The following NTRK3 variants were observed in gnomAD, a reference collection of about 807,000 sequenced individuals.
NTRK3 encodes NT-3 growth factor receptor.
Under a neutral mutation model 91.7 loss-of-function variants are expected in NTRK3, and 24 were observed. That is an observed-to-expected ratio of 0.26 (90% CI 0.19 to 0.37). The LOEUF is 0.37. Ranked by LOEUF, NTRK3 falls within the 10% of genes least tolerant of loss-of-function variation. The probability of loss-of-function intolerance (pLI) is 1.00; values close to 1 mark genes in which losing one functional copy is unlikely to be tolerated. For synonymous variants in NTRK3, 483 were observed against 404.0 expected (o/e 1.20, Z -2.34); for missense variants, 880 against 1,068.9 (o/e 0.82, Z 2.46).
intron 14 of NTRK3, among the ~76,000 whole-genome samples, chr15:87,959,738 C>T (rs1220452459): frequency 6.6e-6 from 1 of 152,192 alleles, no homozygotes; most frequent in Non-Finnish European, 1.5e-5. Flanking sequence ...TTGACACCAA[C>T]ACAAAAGGGC....
chr15:87,961,383 A>G (rs1298697514), intron 14 of NTRK3, among the ~76,000 whole-genome samples: 1 of 152,258 alleles, frequency 6.6e-6, no homozygotes, highest in East Asian at 1.9e-4. Context: ...AACTCAAGCT[A>G]GCTATGTGGG....
rs367829446 is a variant in NTRK3 at position 87,884,349 on chromosome 15, A to T, written c.2134-3921T>A. Reference sequence around the variant, plus strand: ...CCATAATTGTAAAAAAAATCTATACATTAAAAAACTAGAAGGTTCAGATAG... The same window carrying T: ...CCATAATTGTAAAAAAAATCTATACTTTAAAAAACTAGAAGGTTCAGATAG... On this transcript the variant is annotated intron_variant, in intron 17 of 18. Coordinates refer to ENST00000394480, the Ensembl canonical transcript of NTRK3. Among the ~76,000 whole-genome samples the T allele has an allele frequency of 2.0e-5, 3 of 151,784 alleles. No homozygotes were observed. The East Asian group carries it at 5.8e-4, about 29-fold the overall frequency.
intron 14 of NTRK3, chr15:87,979,419 A>G: frequency 6.2e-7 from 1 of 1,613,910 alleles, no homozygotes; most frequent in Non-Finnish European, 8.5e-7. Context: ...AGAGGCTTGG[A>G]ATGTCCGGGA....
At chr15:87,939,664 A>G (rs1166023293) in intron 15 of NTRK3, among the ~76,000 whole-genome samples, 2 of 152,186 alleles carry the variant, frequency 1.3e-5, no homozygotes, top group Non-Finnish European at 2.9e-5. Flanking sequence ...ACGGGGAGCC[A>G]TATCTCTGGC....
intron 13 of NTRK3, among the ~76,000 whole-genome samples, chr15:88,059,049 A>AACACACACACAC (rs56706510): frequency 4.1e-5 from 6 of 144,718 alleles, no homozygotes; most frequent in African/African-American, 1.3e-4. Flanking sequence ...CTCACACACA[A>AACACACACACAC]ACACACACAC....
intron 14 of NTRK3, among the ~76,000 whole-genome samples, chr15:87,992,404 C>T (rs951662220): frequency 2.1e-4 from 32 of 152,282 alleles, no homozygotes; most frequent in Non-Finnish European, 4.3e-4. Flanking sequence ...ATCCTTTCAC[C>T]CCCAGCTCAG....
chr15:88,202,667 A>T (rs1054349467), intron 3 of NTRK3, among the ~76,000 whole-genome samples: 1 of 152,192 alleles, frequency 6.6e-6, no homozygotes, highest in African/African-American at 2.4e-5. Context: ...TTTCCATTCA[A>T]GCCCATCTCC....
intron 16 of NTRK3, among the ~76,000 whole-genome samples, chr15:87,930,305 TTTCTCTAGAAAGCCCAGTGAGCCG>T (rs1421126702): frequency 6.6e-6 from 1 of 152,194 alleles, no homozygotes; most frequent in African/African-American, 2.4e-5. Flanking sequence ...CATTCACTCT[TTTCTCTAGAAAGCCCAGTGAGCCG>T]TAACCACACC....
At chr15:88,147,218 T>C (rs555836246) in intron 6 of NTRK3, 117 bp downstream of exon 6, 22 of 938,658 alleles carry the variant, frequency 2.3e-5, no homozygotes, top group South Asian at 1.7e-4. Context: ...CCAACCCAAG[T>C]AGGCTCTTCG....
intron 17 of NTRK3, among the ~76,000 whole-genome samples, chr15:87,913,660 A>G (rs2067249678): frequency 6.6e-6 from 1 of 152,240 alleles, no homozygotes. Context: ...GCAAGCAACA[A>G]AAGGACTCAT....
intron 13 of NTRK3, among the ~76,000 whole-genome samples, chr15:88,101,882 G>A (rs2050213069): frequency 6.6e-6 from 1 of 152,048 alleles, no homozygotes; most frequent in South Asian, 2.1e-4. Context: ...GGGGGGAGTG[G>A]GGAAGGATAG....
chr15:87,936,458 C>T (rs1446717051), intron 15 of NTRK3, among the ~76,000 whole-genome samples: 1 of 151,698 alleles, frequency 6.6e-6, no homozygotes, highest in African/African-American at 2.4e-5. Flanking sequence ...GGCAAGAACA[C>T]AACTTCTCGA....
chr15:87,886,737 A>AACAC (rs368496451), intron 17 of NTRK3, among the ~76,000 whole-genome samples: 1 of 131,758 alleles, frequency 7.6e-6, no homozygotes. Context: ...CACACACATA[A>AACAC]ACACACACAC....
At chr15:88,189,713 G>T (rs1029005190) in intron 3 of NTRK3, among the ~76,000 whole-genome samples, 3 of 152,076 alleles carry the variant, frequency 2.0e-5, no homozygotes, top group African/African-American at 7.2e-5. Context: ...CAAAGTGCTG[G>T]GATTACAGGC....
rs542181333 is a variant in NTRK3, at chr15:88,023,125, A to T, written c.1585+9732T>A. ...GCTTGGATTGTACCAACATTTAGGG[A>T]ACTCAGACATCAGCACCCAGCAGAG... On this transcript the variant is annotated intron_variant, in intron 14 of 18. Transcript: ENST00000394480. Among the ~76,000 whole-genome samples the T allele has an allele frequency of 4.6e-5, 7 of 152,282 alleles. No individual in the cohort carries two copies. The South Asian group carries it at 1.4e-3, about 32-fold the overall frequency.
intron 14 of NTRK3, among the ~76,000 whole-genome samples, chr15:87,987,683 T>C (rs1007368157): frequency 6.7e-6 from 1 of 150,092 alleles, no homozygotes; most frequent in African/African-American, 2.5e-5. Context: ...TACTCATAGA[T>C]TTTTTTTTAA....
At position 87,957,348 on chromosome 15, in the gene NTRK3, G is replaced by A. The variant is rs565647736; in HGVS notation, c.1586-16595C>T. On this transcript the variant is annotated intron_variant, in intron 14 of 18. Coordinates refer to ENST00000394480, the Ensembl canonical transcript of NTRK3. Reference sequence around the variant, plus strand: ...GAAGTACATTATTATGACGCCTACAGTCCCACAGCGGGAGCATCTACACAC... The same window carrying A: ...GAAGTACATTATTATGACGCCTACAATCCCACAGCGGGAGCATCTACACAC... 6.0e-5 allele frequency among the ~76,000 whole-genome samples: 9 copies of A among 150,462 alleles called. No individual in the cohort carries two copies. The South Asian group carries it at 1.3e-3, about 21-fold the overall frequency.
intron 14 of NTRK3, among the ~76,000 whole-genome samples, chr15:87,942,424 G>T (rs2069969807): frequency 6.6e-6 from 1 of 152,190 alleles, no homozygotes; most frequent in African/African-American, 2.4e-5. Context: ...GGAGGGCAAG[G>T]CTAAAGAGTC....
At chr15:87,929,742 G>C (rs541405790) in intron 16 of NTRK3, among the ~76,000 whole-genome samples, 3 of 152,202 alleles carry the variant, frequency 2.0e-5, no homozygotes, top group Non-Finnish European at 4.4e-5. Context: ...GTCTATTATA[G>C]AATAATTAGC....
Sources: allele counts gnomAD v4.1 joint callset (sites outside exome capture counted in the v4.1 genomes callset), GRCh38; gene constraint gnomAD v4.1.1; transcripts MANE v1.5; gene names NCBI Gene and HGNC (gene_info 2026-07-23, HGNC 2026-07-21).